The following SYT16 variants were observed in gnomAD, a reference collection of about 807,000 sequenced individuals.
SYT16 encodes the protein synaptotagmin-16.
A neutral mutation model predicts 61.4 loss-of-function variants in SYT16; 42 were observed. That is an observed-to-expected ratio of 0.68 (90% CI 0.53 to 0.89). The LOEUF is 0.89. SYT16 is among the 40% of genes least tolerant of loss of function. The pLI is 0.00. For synonymous variants in SYT16, 314 were observed against 302.3 expected, an observed-to-expected ratio of 1.04 and a Z score of -0.40; for missense variants, 804 against 807.3, an observed-to-expected ratio of 1.00 and a Z score of 0.05.
At chr14:61,889,464 T>G (rs2048037045) in intron 1 of SYT16, among the ~76,000 whole-genome samples, 1 of 152,158 alleles carries the variant, frequency 6.6e-6, no homozygotes, top group Non-Finnish European at 1.5e-5. Flanking sequence ...GTCAAGGGAA[T>G]GGATCCCTCA....
At chr14:61,990,149 A>G (rs1030903855) in intron 2 of SYT16, among the ~76,000 whole-genome samples, 2 of 152,156 alleles carry the variant, frequency 1.3e-5, no homozygotes, top group African/African-American at 4.8e-5. Flanking sequence ...GTTGCAGCCT[A>G]TTTTATAGTT....
At chr14:61,914,015 T>C (rs1390846064) in intron 1 of SYT16, among the ~76,000 whole-genome samples, 1 of 152,118 alleles carries the variant, frequency 6.6e-6, no homozygotes, top group African/African-American at 2.4e-5. Flanking sequence ...ATGGAAGAAA[T>C]TACTGGGGTT....
intron 1 of SYT16, among the ~76,000 whole-genome samples, chr14:61,909,089 C>T (rs934838130): frequency 1.1e-4 from 16 of 152,148 alleles, no homozygotes; most frequent in Admixed American, 4.6e-4. Context: ...CATGAGCCAC[C>T]GTGCCTGGCC....
At chr14:62,016,152 C>A (rs1212296470) in intron 3 of SYT16, among the ~76,000 whole-genome samples, 1 of 152,090 alleles carries the variant, frequency 6.6e-6, no homozygotes, top group Non-Finnish European at 1.5e-5. Context: ...AACAAAAGAT[C>A]AAGGGAGCAG....
chr14:62,077,778 AT>A (rs1416922500), intron 5 of SYT16: 1 of 152,212 alleles, frequency 6.6e-6, no homozygotes, highest in East Asian at 1.9e-4. Flanking sequence ...CCCAGTTTTC[AT>A]GGGCCACAGC....
intron 1 of SYT16, among the ~76,000 whole-genome samples, chr14:61,944,887 T>A (rs2050358760): frequency 6.6e-6 from 1 of 151,762 alleles, no homozygotes; most frequent in Non-Finnish European, 1.5e-5. Flanking sequence ...AATAAACAAA[T>A]GGGATTAATT....
intron 3 of SYT16, among the ~76,000 whole-genome samples, chr14:62,023,956 A>G (rs78583844): frequency 0.048 from 7,276 of 152,176 alleles, 301 homozygotes; most frequent in African/African-American, 0.11. Context: ...ATTTCCCATA[A>G]AAACCTTATT....
At chr14:61,976,060 A>G (rs1298448636) in intron 2 of SYT16, among the ~76,000 whole-genome samples, 3 of 152,222 alleles carry the variant, frequency 2.0e-5, no homozygotes, top group Admixed American at 2.0e-4. Context: ...GGCCAAAACA[A>G]AGGGGCTACA....
At chr14:61,875,848 A>G (rs1041652619) in intron 1 of SYT16, among the ~76,000 whole-genome samples, 4 of 152,142 alleles carry the variant, frequency 2.6e-5, no homozygotes, top group Non-Finnish European at 4.4e-5. Flanking sequence ...TGGGGTGCGT[A>G]TGTCTGATTG....
intron 1 of SYT16, among the ~76,000 whole-genome samples, chr14:61,968,805 A>G (rs1037726350): frequency 5.9e-5 from 9 of 152,230 alleles, no homozygotes; most frequent in South Asian, 2.1e-4. Flanking sequence ...TCCCTTGCCT[A>G]TAACTACTGC....
At chr14:61,817,010 C>CAAAAAAAAAAAAAAAAAAAAAAAAAAA (rs1491408669) in intron 1 of SYT16, among the ~76,000 whole-genome samples, 1 of 3,988 alleles carries the variant, frequency 2.5e-4, no homozygotes, top group African/African-American at 3.6e-4. Flanking sequence ...GGCTCCGTCA[C>CAAAAAAAAAAAAAAAAAAAAAAAAAAA]ACACACACAC....
intron 2 of SYT16, among the ~76,000 whole-genome samples, chr14:61,986,550 C>G (rs1351073187): frequency 1.1e-4 from 16 of 151,724 alleles, no homozygotes; most frequent in Admixed American, 1.1e-3. Flanking sequence ...GTGCTGCACC[C>G]ATTAACTCGT....
chr14:62,081,030 G>A lies in SYT16; in HGVS notation c.1190G>A (p.Gly397Asp), dbSNP rs147653034. 1,549 of 1,613,466 alleles carry A rather than the reference G, an allele frequency of 9.6e-4. 5 individuals carry two copies. The Middle Eastern group carries it at 0.013, about 13-fold the overall frequency. Reference sequence around the variant, plus strand: ...CAAGTTCATGTAGTGCTGCTGCCTGGTAAGAAACACAGGGGCAGGACGAAC... The same window carrying A: ...CAAGTTCATGTAGTGCTGCTGCCTGATAAGAAACACAGGGGCAGGACGAAC... The part of the protein sequence containing the change: ...SWQVHVVLLP[G>D]KKHRGRTNIQ... Residue 397 changes from glycine (G) to aspartate (D), a missense_variant, in exon 6 of 8, where the codon GGT (glycine) becomes GAT (aspartate). By Grantham distance (94) the Gly-to-Asp change is moderately conservative (BLOSUM62 -1). Transcript: ENST00000683842.
chr14:62,092,371 C>T (rs1363435197), intron 7 of SYT16, among the ~76,000 whole-genome samples: 4 of 151,938 alleles, frequency 2.6e-5, no homozygotes, highest in African/African-American at 9.7e-5. Context: ...TCAGCAAATC[C>T]ATTTGTGGGT....
chr14:61,914,283 A>T (rs2049038410), intron 1 of SYT16, among the ~76,000 whole-genome samples: 1 of 152,202 alleles, frequency 6.6e-6, no homozygotes, highest in Admixed American at 6.5e-5. Flanking sequence ...AAGTCCAATG[A>T]GGCACAGATG....
chr14:62,013,456 A>G (rs1255623112), intron 3 of SYT16, among the ~76,000 whole-genome samples: 2 of 152,222 alleles, frequency 1.3e-5, no homozygotes, highest in East Asian at 3.8e-4. Flanking sequence ...GTCGAGTTTA[A>G]GGAGTTTATG....
chr14:61,833,169 A>G lies in SYT16; in HGVS notation c.-325+20359A>G, dbSNP rs575691784. 2.6e-5 allele frequency among the ~76,000 whole-genome samples: 4 copies of G among 152,264 alleles called. No individual in the cohort carries two copies. The South Asian group carries it at 6.2e-4, about 24-fold the overall frequency. On this transcript the variant is annotated intron_variant, in intron 1 of 7. Coordinates refer to ENST00000683842, the MANE Select transcript of SYT16 (RefSeq NM_001367656.1). Reference sequence around the variant, plus strand: ...CTAGGAATTTTGGTGGTCCTGGATCACTTTTTATAGTAACAATTCATCTTG... The same window carrying G: ...CTAGGAATTTTGGTGGTCCTGGATCGCTTTTTATAGTAACAATTCATCTTG...
chr14:61,906,743 A>ATCCATCCATCCATCCATCCT (rs1555355228), intron 1 of SYT16, among the ~76,000 whole-genome samples: 7 of 149,510 alleles, frequency 4.7e-5, no homozygotes, highest in South Asian at 2.2e-4. Context: ...CCATCCATCC[A>ATCCATCCATCCATCCATCCT]TCCATCCTTC....
intron 3 of SYT16, among the ~76,000 whole-genome samples, chr14:62,014,725 C>T (rs574675178): frequency 1.1e-4 from 17 of 152,204 alleles, no homozygotes; most frequent in South Asian, 6.2e-4. Flanking sequence ...CGAGCCATTG[C>T]GCCCGGCTGG....
Sources: allele counts gnomAD v4.1 joint callset (sites outside exome capture counted in the v4.1 genomes callset), GRCh38; gene constraint gnomAD v4.1.1; transcripts MANE v1.5; gene names NCBI Gene and HGNC (gene_info 2026-07-23, HGNC 2026-07-21).